The following GTF2E2 variants were observed in gnomAD, a reference collection of about 807,000 sequenced individuals.
GTF2E2 encodes the protein transcription initiation factor IIE subunit beta.
In GTF2E2, 21 loss-of-function variants were observed where a neutral mutation model predicts 40.5. That is an observed-to-expected ratio of 0.52 (90% confidence interval 0.37 to 0.75). The LOEUF (loss-of-function observed/expected upper bound fraction) is 0.75. GTF2E2 is among the 30% of genes least tolerant of loss of function. The pLI, the probability that GTF2E2 is intolerant of heterozygous loss-of-function variation, is 0.00. For missense variants in GTF2E2, 298 were observed against 338.4 expected (o/e 0.88, Z 0.94); for synonymous variants, 117 against 121.6 (o/e 0.96, Z 0.25).
intron 2 of GTF2E2, among the ~76,000 whole-genome samples, chr8:30,640,693 C>T (rs914157586): frequency 6.6e-5 from 10 of 152,082 alleles, no homozygotes; most frequent in Admixed American, 4.6e-4. Context: ...AGGAGAAAAT[C>T]CTAATGATGT....
chr8:30,584,111 T>C (rs1178227824), intron 6 of GTF2E2, among the ~76,000 whole-genome samples: 1 of 151,956 alleles, frequency 6.6e-6, no homozygotes, highest in African/African-American at 2.4e-5. Flanking sequence ...CAGCCGACGA[T>C]CAGTATTTAT....
Position 30,578,980 on chromosome 8 carries a change from G to T in GTF2E2, c.817C>A (p.His273Asn), listed in dbSNP as rs770909330. ...AGCACTCCAGCCAAGTGTTCGTTAT[G>T]AGTCTTAAAGCGTCGCTTTTTCTGT... The part of the protein sequence containing the change: ...ASQKKRRFKT[H>N]NEHLAGVLKD... Residue 273 changes from histidine (H) to asparagine (N), a missense_variant, in exon 8 of 8, where the codon CAT becomes AAT. Coordinates refer to ENST00000355904, the MANE Select transcript of GTF2E2 (RefSeq NM_002095.6). The T allele has an allele frequency of 1.2e-6, 2 of 1,611,284 alleles. No individual in the cohort carries two copies. Among genetic ancestry groups the T allele is most frequent in the Non-Finnish European group, 8.5e-7 (1 of 1,177,400 alleles).
chr8:30,602,877 C>T (rs1273113708), intron 6 of GTF2E2, among the ~76,000 whole-genome samples: 1 of 152,112 alleles, frequency 6.6e-6, no homozygotes, highest in Non-Finnish European at 1.5e-5. Context: ...ACTCGCCTTA[C>T]AGTCCCACAC....
At chr8:30,596,753 T>C (rs1280173869) in intron 6 of GTF2E2, among the ~76,000 whole-genome samples, 1 of 152,192 alleles carries the variant, frequency 6.6e-6, no homozygotes, top group Non-Finnish European at 1.5e-5. Flanking sequence ...GTAAATAGTT[T>C]TTATGCCTGG....
intron 5 of GTF2E2, 52 bp from the exon 6 acceptor site, chr8:30,607,202 CAAAA>C: frequency 2.5e-5 from 12 of 483,162 alleles, no homozygotes; most frequent in South Asian, 7.6e-5. Context: ...ATTACCTCAC[CAAAA>C]AAAAAAAAAA....
intron 2 of GTF2E2, among the ~76,000 whole-genome samples, chr8:30,641,604 G>A (rs2978262): frequency 0.042 from 6,401 of 152,164 alleles, 202 homozygotes; most frequent in African/African-American, 0.086. Context: ...GGCCAGGCGC[G>A]GTGGCTCATG....
intron 6 of GTF2E2, among the ~76,000 whole-genome samples, chr8:30,603,260 G>T (rs578236850): frequency 6.6e-6 from 1 of 152,108 alleles, no homozygotes; most frequent in African/African-American, 2.4e-5. Context: ...GACAACAGAG[G>T]ATAAGAGAAT....
In GTF2E2 at chr8:30,581,653, T is replaced by C. The variant is rs145872919; in HGVS notation, c.644-1257A>G. Among the ~76,000 whole-genome samples, 22 of 152,332 alleles carry C rather than the reference T, an allele frequency of 1.4e-4. No homozygotes were observed. In the East Asian group the frequency reaches 4.0e-3, roughly 28 times the overall value. On this transcript the variant is annotated intron_variant, in intron 6 of 7. Coordinates refer to ENST00000355904, the MANE Select transcript of GTF2E2 (RefSeq NM_002095.6). ...AATAAGATTTTTTAATTTCCATAGATACATTAGGGGTTCTTTCTACTACAC... is the reference window on the plus strand; with the variant it reads ...AATAAGATTTTTTAATTTCCATAGACACATTAGGGGTTCTTTCTACTACAC...
At chr8:30,594,239 T>A (rs539812183) in intron 6 of GTF2E2, among the ~76,000 whole-genome samples, 130 of 151,092 alleles carry the variant, frequency 8.6e-4, no homozygotes, top group African/African-American at 3.0e-3. Flanking sequence ...GCCTAACCCA[T>A]CTATATTTAA....
chr8:30,627,373 T>C (rs1374792416), intron 3 of GTF2E2, among the ~76,000 whole-genome samples: 4 of 144,842 alleles, frequency 2.8e-5, no homozygotes, highest in Non-Finnish European at 4.5e-5. Context: ...AAGTCCATCT[T>C]AGAGAAACTG....
In GTF2E2 at chr8:30,612,295, T is replaced by C; in HGVS notation, c.549+4A>G. On this transcript the variant is annotated splice_donor_region_variant and intron_variant, in intron 5 of 7. Coordinates refer to ENST00000355904, the MANE Select transcript of GTF2E2 (RefSeq NM_002095.6). ...TTAAGACATAGAAAGAAAAGAGAGA[T>C]TACCTTGACAGCTTTCTGGGAATTG... 3 of 1,568,202 alleles carry C rather than the reference T, an allele frequency of 1.9e-6. No individual in the cohort carries two copies. The highest frequency in any genetic ancestry group is 2.6e-6 in the Non-Finnish European group (3 of 1,141,004).
intron 3 of GTF2E2, among the ~76,000 whole-genome samples, chr8:30,624,037 T>C (rs1476539334): frequency 6.6e-6 from 1 of 152,162 alleles, no homozygotes; most frequent in African/African-American, 2.4e-5. Context: ...TTGTCTATTT[T>C]GGCTTTCGTT....
chr8:30,655,609 G>C (rs894636717), intron 1 of GTF2E2, among the ~76,000 whole-genome samples: 1 of 152,176 alleles, frequency 6.6e-6, no homozygotes, highest in Non-Finnish European at 1.5e-5. Context: ...TCTTGTTTGT[G>C]AGGCACTGTG....
intron 3 of GTF2E2, 69 bp downstream of exon 3, chr8:30,634,963 G>T: frequency 1.2e-6 from 1 of 807,774 alleles, no homozygotes; most frequent in South Asian, 1.6e-5. Flanking sequence ...TTTAACTTCT[G>T]AAAACCCTAA....
rs568027027 is a variant in GTF2E2, at chr8:30,620,049, C to CA, written c.259-5335dup. Among the ~76,000 whole-genome samples the CA allele has an allele frequency of 1.1e-3, 161 of 152,080 alleles. 2 individuals are homozygous for CA. Among genetic ancestry groups the CA allele is most frequent in the African/African-American group, 3.6e-3 (150 of 41,390 alleles). On this transcript the variant is annotated intron_variant, in intron 3 of 7. Coordinates refer to ENST00000355904, the MANE Select transcript of GTF2E2 (RefSeq NM_002095.6). ...AATGCAGGTGGCCTGTAGAAACTGACAGAGTAAAGAGATGCTCCCCTTTAT... is the reference window on the plus strand; with the variant it reads ...AATGCAGGTGGCCTGTAGAAACTGACAAGAGTAAAGAGATGCTCCCCTTTAT...
chr8:30,610,767 T>C (rs942244038), intron 5 of GTF2E2, among the ~76,000 whole-genome samples: 1 of 152,058 alleles, frequency 6.6e-6, no homozygotes, highest in African/African-American at 2.4e-5. Context: ...GACATTAGAT[T>C]TGGCAGTGAT....
chr8:30,617,211 A>G (rs1330361712), intron 3 of GTF2E2, among the ~76,000 whole-genome samples: 4 of 152,222 alleles, frequency 2.6e-5, no homozygotes, highest in African/African-American at 9.7e-5. Flanking sequence ...CTAAATAGCC[A>G]CTTCGCCAAA....
intron 3 of GTF2E2, among the ~76,000 whole-genome samples, chr8:30,632,955 C>T (rs963639666): frequency 5.3e-5 from 8 of 152,104 alleles, no homozygotes; most frequent in South Asian, 2.1e-4. Context: ...TCTCAAAACA[C>T]GAACAGATTT....
intron 2 of GTF2E2, chr8:30,643,860 T>C (rs1586001896): frequency 6.6e-6 from 1 of 152,028 alleles, no homozygotes; most frequent in Non-Finnish European, 1.5e-5. Flanking sequence ...TAGTTTTCGT[T>C]AAATGAAACA....
Sources: allele counts gnomAD v4.1 joint callset (sites outside exome capture counted in the v4.1 genomes callset), GRCh38; gene constraint gnomAD v4.1.1; transcripts MANE v1.5; gene names NCBI Gene and HGNC (gene_info 2026-07-23, HGNC 2026-07-21).